Variants in SPOCK3 observed in about 807,000 individuals in gnomAD.
SPOCK3 encodes testican-3.
Under a neutral mutation model 56.6 loss-of-function variants are expected in SPOCK3, and 30 were observed. The ratio of observed to expected loss-of-function variants is 0.53; its 90% CI spans 0.40 to 0.72. The LOEUF is 0.72. Among genes scored for constraint, SPOCK3 ranks in the 30% least tolerant of loss-of-function variants. The pLI, the probability that SPOCK3 is intolerant of heterozygous loss-of-function variation, is 0.00. For missense variants in SPOCK3, 527 were observed against 530.0 expected (o/e 0.99, Z 0.06); for synonymous variants, 196 against 183.3 (o/e 1.07, Z -0.56).
At chr4:167,083,632 T>C (rs1159975359) in intron 2 of SPOCK3, among the ~76,000 whole-genome samples, 1 of 152,158 alleles carries the variant, frequency 6.6e-6, no homozygotes, top group Non-Finnish European at 1.5e-5. Flanking sequence ...CTACTTGAAA[T>C]GCTGTGGTCA....
intron 2 of SPOCK3, among the ~76,000 whole-genome samples, chr4:167,223,552 A>G (rs138350894): frequency 2.6e-5 from 4 of 151,986 alleles, no homozygotes; most frequent in East Asian, 1.9e-4. Context: ...TACTGGAGAG[A>G]GCCCTGACTG....
chr4:166,963,970 C>A (rs1744429837), intron 4 of SPOCK3, among the ~76,000 whole-genome samples: 1 of 151,708 alleles, frequency 6.6e-6, no homozygotes, highest in Non-Finnish European at 1.5e-5. Context: ...AGATTAAACT[C>A]AGGTACTCTT....
intron 4 of SPOCK3, among the ~76,000 whole-genome samples, chr4:166,976,403 A>G (rs1745952072): frequency 6.6e-6 from 1 of 152,186 alleles, no homozygotes; most frequent in South Asian, 2.1e-4. Context: ...TGCCTATTGC[A>G]ACCCAATGTC....
chr4:166,755,866 C>T (rs926345913), intron 7 of SPOCK3, among the ~76,000 whole-genome samples: 6 of 151,816 alleles, frequency 4.0e-5, no homozygotes, highest in African/African-American at 1.5e-4. Flanking sequence ...AATGTAGACA[C>T]TTAGGATTAA....
chr4:166,815,099 T>A (rs780671124), intron 6 of SPOCK3, among the ~76,000 whole-genome samples: 2 of 152,104 alleles, frequency 1.3e-5, no homozygotes, highest in Non-Finnish European at 2.9e-5. Context: ...GCATATTCAT[T>A]TCTTAAAATG....
intron 3 of SPOCK3, among the ~76,000 whole-genome samples, chr4:167,059,646 T>C (rs1375406160): frequency 1.3e-5 from 2 of 152,124 alleles, no homozygotes; most frequent in Admixed American, 1.3e-4. Flanking sequence ...GCCATCCCAT[T>C]ACTGGGTATA....
chr4:167,170,590 C>T (rs1463611), intron 2 of SPOCK3, among the ~76,000 whole-genome samples: 19,792 of 152,064 alleles, frequency 0.13, 1,596 homozygotes, highest in African/African-American at 0.2. Context: ...AAAGCACACA[C>T]GAGTCATAAT....
chr4:167,205,473 T>TTTATATA (rs1734133328), intron 2 of SPOCK3, among the ~76,000 whole-genome samples: 1 of 51,752 alleles, frequency 1.9e-5, no homozygotes, highest in African/African-American at 8.2e-5. Flanking sequence ...TAGAATTTAT[T>TTTATATA]TTATATATAA....
At chr4:166,949,659 T>A (rs1742268776) in intron 4 of SPOCK3, among the ~76,000 whole-genome samples, 1 of 152,106 alleles carries the variant, frequency 6.6e-6, no homozygotes, top group Admixed American at 6.6e-5. Flanking sequence ...ACAGCGGTTT[T>A]TCATGAACTG....
intron 5 of SPOCK3, among the ~76,000 whole-genome samples, chr4:166,906,171 A>G (rs1736585283): frequency 6.6e-6 from 1 of 152,104 alleles, no homozygotes; most frequent in African/African-American, 2.4e-5. Context: ...ATTAAGGTAC[A>G]ACAAATTAGA....
At chr4:166,848,451 T>C (rs1198701578) in intron 6 of SPOCK3, among the ~76,000 whole-genome samples, 6 of 152,194 alleles carry the variant, frequency 3.9e-5, no homozygotes, top group Non-Finnish European at 7.3e-5. Flanking sequence ...CTCTGAGATA[T>C]AAAACACAAT....
chr4:166,833,019 G>A (rs558916767), intron 6 of SPOCK3, among the ~76,000 whole-genome samples: 3 of 152,246 alleles, frequency 2.0e-5, no homozygotes, highest in Admixed American at 1.3e-4. Flanking sequence ...ATATACTCAT[G>A]TAATAAACCT....
chr4:167,182,818 GA>G (rs1240919087), intron 2 of SPOCK3, among the ~76,000 whole-genome samples: 1 of 152,166 alleles, frequency 6.6e-6, no homozygotes, highest in Non-Finnish European at 1.5e-5. Flanking sequence ...TTACAGGCGT[GA>G]GCCACTGTGC....
At chr4:166,739,376 G>C (rs1000881063) in intron 9 of SPOCK3, among the ~76,000 whole-genome samples, 5 of 152,050 alleles carry the variant, frequency 3.3e-5, no homozygotes, top group Non-Finnish European at 7.3e-5. Flanking sequence ...GAGTGGCTGA[G>C]ATTACAGGCA....
chr4:167,097,442 A>C (rs538187543), intron 2 of SPOCK3, among the ~76,000 whole-genome samples: 1 of 151,840 alleles, frequency 6.6e-6, no homozygotes, highest in African/African-American at 2.4e-5. Flanking sequence ...TGTGTCTTAC[A>C]TTGCTTTTCA....
rs552385151 is a variant in SPOCK3, at chr4:167,212,493, G to A, written c.189+21492C>T. ...CCTGACCTCATGATCCACCCGCCTC[G>A]GCCTCCCAAAGTGCTGGGATTACAG... On this transcript the variant is annotated intron_variant, in intron 2 of 10. Coordinates refer to ENST00000357545, the MANE Select transcript of SPOCK3 (RefSeq NM_001040159.2). Among the ~76,000 whole-genome samples the A allele has an allele frequency of 1.3e-4, 19 of 151,982 alleles. No homozygotes were observed. In the East Asian group the frequency reaches 3.3e-3, roughly 26 times the overall value.
At chr4:167,111,299 C>A (rs28707329) in intron 2 of SPOCK3, among the ~76,000 whole-genome samples, 1 of 152,060 alleles carries the variant, frequency 6.6e-6, no homozygotes, top group East Asian at 1.9e-4. Flanking sequence ...GACTCAAGAA[C>A]ATATTTTGCA....
At chr4:166,959,197 G>A (rs976492497) in intron 4 of SPOCK3, among the ~76,000 whole-genome samples, 1 of 152,110 alleles carries the variant, frequency 6.6e-6, no homozygotes, top group African/African-American at 2.4e-5. Context: ...AAAAAAATAG[G>A]AAAGGAAATA....
intron 6 of SPOCK3, among the ~76,000 whole-genome samples, chr4:166,882,483 G>A (rs909572313): frequency 1.3e-5 from 2 of 152,104 alleles, no homozygotes; most frequent in Non-Finnish European, 2.9e-5. Context: ...ACTGCTTTTA[G>A]GTGAGTGCTT....
Sources: gnomAD v4.1 joint callset for allele counts (sites outside exome capture counted in the v4.1 genomes callset) on GRCh38, gnomAD v4.1.1 for gene constraint, MANE v1.5 for transcripts, NCBI Gene and HGNC (gene_info 2026-07-23, HGNC 2026-07-21) for gene names.